Variants in TTLL1 observed in about 807,000 individuals in gnomAD.
TTLL1 encodes TTL family tubulin polyglutamylase complex subunit L1.
In TTLL1, 33 loss-of-function variants were observed where a neutral mutation model predicts 47.8. The ratio of observed to expected loss-of-function variants is 0.69; its 90% confidence interval spans 0.52 to 0.92. The LOEUF (loss-of-function observed/expected upper bound fraction) is 0.92, where lower values mean the gene tolerates loss of function less well. Among genes scored for constraint, TTLL1 ranks in the 40% least tolerant of loss-of-function variants. The pLI is 0.00. For missense variants in TTLL1, 488 were observed against 547.5 expected (o/e 0.89, Z 1.08); for synonymous variants, 225 against 214.1 (o/e 1.05, Z -0.45).
At chr22:43,051,958 A>T (rs1926662613) in intron 8 of TTLL1, 71 bp from the exon 9 acceptor site, 2 of 1,467,440 alleles carry the variant, frequency 1.4e-6, no homozygotes, top group East Asian at 4.5e-5. Context: ...CGCCACAGAG[A>T]CAAGCAGGAT....
chr22:43,046,594 G>C (rs767721313), intron 9 of TTLL1, 21 bp from the exon 10 acceptor site: 5 of 1,609,594 alleles, frequency 3.1e-6, no homozygotes, highest in Non-Finnish European at 8.5e-7. Context: ...AAAGACCCAT[G>C]TTCCTCACCT....
chr22:43,058,608 GCAAGCTAGCCCCTTT>G (rs1427830456), intron 8 of TTLL1, among the ~76,000 whole-genome samples: 8 of 152,242 alleles, frequency 5.3e-5, no homozygotes, highest in African/African-American at 1.9e-4. Context: ...GCACTGGGCT[GCAAGCTAGCCCCTTT>G]CCCTTTCCGA....
Position 43,051,793 on chromosome 22 carries a change from G to A in TTLL1, c.978+8C>T, listed in dbSNP as rs371887624. 39 of 1,613,716 alleles carry A rather than the reference G, an allele frequency of 2.4e-5. 1 individual carries two copies. The highest frequency in any genetic ancestry group is 2.3e-4 in the African/African-American group (17 of 74,878). ...GGTGTGACCAGGTGCAGGTGCTCCCGCAGTTACCTCGATCAGCCAGGGCTT... is the reference window on the plus strand; with the variant it reads ...GGTGTGACCAGGTGCAGGTGCTCCCACAGTTACCTCGATCAGCCAGGGCTT... On this transcript the variant is annotated splice_region_variant and intron_variant, in intron 9 of 10. Transcript: ENST00000266254.
intron 9 of TTLL1, 52 bp from the exon 10 acceptor site, chr22:43,046,625 A>G (rs749760683): frequency 6.3e-7 from 1 of 1,595,840 alleles, no homozygotes; most frequent in Non-Finnish European, 8.6e-7. Context: ...CTCTTTTGGA[A>G]TGAAAATGTG....
chr22:43,072,136 C>T (rs1928162802), intron 3 of TTLL1, among the ~76,000 whole-genome samples: 2 of 151,586 alleles, frequency 1.3e-5, no homozygotes, highest in African/African-American at 4.8e-5. Flanking sequence ...ACTTCGCAAC[C>T]ATCTTTATTT....
Position 43,051,884 on chromosome 22 carries a change from C to A in TTLL1, c.895G>T (p.Val299Leu). The A allele has an allele frequency of 1.2e-6, 2 of 1,613,988 alleles. No individual in the cohort carries two copies. Among genetic ancestry groups the A allele is most frequent in the Non-Finnish European group, 1.7e-6 (2 of 1,179,998 alleles). Residue 299 changes from valine to leucine, a missense_variant, in exon 9 of 11, where the codon GTG (valine) becomes TTG (leucine). Transcript: ENST00000266254. ...AAGCAGTGCTTGTCATTGTTCATCA[C>A]CGGCTGGAGAGAGAGTGACCAGTGG... Reference protein sequence around the residue: ...IVQSLKAVAPVMNNDKHCFEC... With the variant: ...IVQSLKAVAPLMNNDKHCFEC...
chr22:43,065,183 C>T (rs957338789), intron 5 of TTLL1, among the ~76,000 whole-genome samples: 2 of 152,052 alleles, frequency 1.3e-5, no homozygotes, highest in Non-Finnish European at 2.9e-5. Flanking sequence ...ATCCATGTCA[C>T]TATACATTTG....
At chr22:43,077,026 G>T (rs896988685) in intron 2 of TTLL1, among the ~76,000 whole-genome samples, 1 of 152,018 alleles carries the variant, frequency 6.6e-6, no homozygotes, top group African/African-American at 2.4e-5. Flanking sequence ...GTGTGAACCC[G>T]GGAGGCGGAG....
chr22:43,087,858 A>G (rs1929336411), intron 1 of TTLL1, among the ~76,000 whole-genome samples: 1 of 128,436 alleles, frequency 7.8e-6, no homozygotes, highest in East Asian at 2.6e-4. Flanking sequence ...AAAAAAAACC[A>G]AGAATATGGC....
intron 3 of TTLL1, among the ~76,000 whole-genome samples, chr22:43,070,682 A>C (rs1928058994): frequency 6.6e-6 from 1 of 152,148 alleles, no homozygotes; most frequent in South Asian, 2.1e-4. Flanking sequence ...GAAAGCGTTA[A>C]GGGACCCCCA....
intron 9 of TTLL1, among the ~76,000 whole-genome samples, chr22:43,048,901 C>T (rs922266457): frequency 3.3e-5 from 5 of 152,146 alleles, no homozygotes; most frequent in African/African-American, 1.2e-4. Flanking sequence ...CGTGCCACTG[C>T]ACTCCAGCCT....
intron 5 of TTLL1, among the ~76,000 whole-genome samples, chr22:43,067,053 C>A (rs1342290552): frequency 1.3e-5 from 2 of 152,130 alleles, no homozygotes; most frequent in African/African-American, 4.8e-5. Context: ...CCTGGGAACT[C>A]CTGACAAGTG....
In TTLL1 at chr22:43,067,476, A is replaced by G. The variant is rs537841484; in HGVS notation, c.503+934T>C. 5.3e-5 allele frequency among the ~76,000 whole-genome samples: 8 copies of G among 152,292 alleles called. No homozygotes were observed. The East Asian group carries it at 1.5e-3, about 29-fold the overall frequency. On this transcript the variant is annotated intron_variant, in intron 5 of 10. Transcript: ENST00000266254. ...GCCTCGCTGCCTCAGAACCACCACGACTGAGCGGTTCTCACACCAGCCTGT... is the reference window on the plus strand; with the variant it reads ...GCCTCGCTGCCTCAGAACCACCACGGCTGAGCGGTTCTCACACCAGCCTGT...
intron 8 of TTLL1, among the ~76,000 whole-genome samples, chr22:43,052,893 TACTAAA>T (rs1171380915): frequency 6.6e-6 from 1 of 151,852 alleles, no homozygotes; most frequent in Non-Finnish European, 1.5e-5. Flanking sequence ...ACCCCGTCTC[TACTAAA>T]AATACAAAAA....
chr22:43,046,675 A>G, intron 9 of TTLL1, 102 bp from the exon 10 acceptor site: 2 of 1,406,398 alleles, frequency 1.4e-6, no homozygotes, highest in South Asian at 1.3e-5. Context: ...CACTTTAGTG[A>G]AGTTTTTTTT....
Position 43,064,254 on chromosome 22 carries a change from C to T in TTLL1, c.574G>A (p.Gly192Arg), listed in dbSNP as rs1285689036. 8.7e-6 allele frequency: 14 copies of T among 1,614,006 alleles called. No individual in the cohort carries two copies. The highest frequency in any genetic ancestry group is 1.3e-5 in the African/African-American group (1 of 74,920). Residue 192 changes from glycine (G) to arginine (R), a missense_variant, in exon 6 of 11, where the codon GGG becomes AGG. Gly to Arg is a moderately radical substitution (Grantham distance 125, BLOSUM62 -2). Transcript: ENST00000266254. Reference sequence around the variant, plus strand: ...TACAAGCGCAGGTCGAACTTCCTCCCGCCAATTAGTAACGGGTTGTTAATA... The same window carrying T: ...TACAAGCGCAGGTCGAACTTCCTCCTGCCAATTAGTAACGGGTTGTTAATA... Reference protein sequence around the residue: ...LYINNPLLIGGRKFDLRLYVL... With the variant: ...LYINNPLLIGRRKFDLRLYVL...
intron 5 of TTLL1, 86 bp downstream of exon 5, chr22:43,068,324 C>G: frequency 8.0e-7 from 1 of 1,249,210 alleles, no homozygotes; most frequent in Non-Finnish European, 1.1e-6. Flanking sequence ...CAAAAAAAAA[C>G]CAAACAAAAA....
rs1345112767 is a variant in TTLL1, at chr22:43,064,332, T to C, written c.504-8A>G. The C allele has an allele frequency of 6.2e-7, 1 of 1,604,354 alleles. No homozygotes were observed. The highest frequency in any genetic ancestry group is 1.1e-5 in the South Asian group (1 of 89,194). ...TTAGATTGAGACACAAACCTAAACATGGCAGAGAAAGTAAAAATTAGATGG... is the reference window on the plus strand; with the variant it reads ...TTAGATTGAGACACAAACCTAAACACGGCAGAGAAAGTAAAAATTAGATGG... On this transcript the variant is annotated splice_region_variant and splice_polypyrimidine_tract_variant and intron_variant, in intron 5 of 10. Coordinates refer to ENST00000266254, the MANE Select transcript of TTLL1 (RefSeq NM_012263.5).
intron 1 of TTLL1, among the ~76,000 whole-genome samples, chr22:43,082,544 C>T (rs954957419): frequency 3.7e-4 from 56 of 151,528 alleles, no homozygotes; most frequent in Non-Finnish European, 8.8e-5. Context: ...GGTGAAATAC[C>T]GTCTCTACTA....
Sources: allele counts gnomAD v4.1 joint callset (sites outside exome capture counted in the v4.1 genomes callset), GRCh38; gene constraint gnomAD v4.1.1; transcripts MANE v1.5; gene names NCBI Gene and HGNC (gene_info 2026-07-23, HGNC 2026-07-21).